VPS13C: variants seen among roughly 807,000 people sequenced by gnomAD.
VPS13C encodes vacuolar protein sorting 13 homolog C, also known as intermembrane lipid transfer protein VPS13C.
Under a neutral mutation model 456.8 loss-of-function variants are expected in VPS13C, and 358 were observed. The ratio of observed to expected loss-of-function variants is 0.78; its 90% CI spans 0.72 to 0.86. The LOEUF is 0.86. Among genes scored for constraint, VPS13C ranks in the 40% least tolerant of loss-of-function variants. The probability of loss-of-function intolerance (pLI) is 0.00; values close to 1 mark genes in which losing one functional copy is unlikely to be tolerated. For synonymous variants in VPS13C, 1,578 were observed against 1,486.7 expected, an observed-to-expected ratio of 1.06 and a Z score of -1.41; for missense variants, 4,818 against 4,385.4, an observed-to-expected ratio of 1.10 and a Z score of -2.79.
chr15:61,982,033 T>C (rs1307376911), intron 21 of VPS13C, among the ~76,000 whole-genome samples: 1 of 152,220 alleles, frequency 6.6e-6, no homozygotes, highest in Non-Finnish European at 1.5e-5. Flanking sequence ...TAGCTAGTAC[T>C]TTATGTAGGG....
chr15:61,883,056 G>A (rs142628983), intron 68 of VPS13C, among the ~76,000 whole-genome samples: 4 of 150,852 alleles, frequency 2.7e-5, no homozygotes, highest in African/African-American at 7.3e-5. Context: ...TTTTTGAAAC[G>A]GCATCTTGCT....
At position 61,966,146 on chromosome 15, in the gene VPS13C, A is replaced by G. The variant is rs1315802188; in HGVS notation, c.2992-4T>C. On this transcript the variant is annotated splice_region_variant and splice_polypyrimidine_tract_variant and intron_variant, in intron 29 of 84. Transcript: ENST00000644861. Reference sequence around the variant, plus strand: ...AACTAGGTCCATTCTTATCAGCCTGAAAAAAGAAGTAAAAGTTCTAAAGAA... The same window carrying G: ...AACTAGGTCCATTCTTATCAGCCTGGAAAAAGAAGTAAAAGTTCTAAAGAA... 1 of 1,599,970 alleles carries G rather than the reference A, an allele frequency of 6.3e-7. No homozygotes were observed. Among genetic ancestry groups the G allele is most frequent in the South Asian group, 1.1e-5 (1 of 88,150 alleles).
At chr15:62,053,814 T>C (rs1436186226) in intron 1 of VPS13C, among the ~76,000 whole-genome samples, 1 of 152,164 alleles carries the variant, frequency 6.6e-6, no homozygotes, top group Non-Finnish European at 1.5e-5. Context: ...CAAGGGGAAG[T>C]GTCAAGAGTG....
intron 6 of VPS13C, 109 bp from the exon 7 acceptor site, chr15:62,023,954 C>T: frequency 1.2e-6 from 1 of 806,104 alleles, no homozygotes; most frequent in Admixed American, 2.5e-5. Context: ...TTTGGCACAA[C>T]TCACCTTACC....
chr15:61,913,297 A>C lies in VPS13C; in HGVS notation c.8550+14T>G, dbSNP rs2043357404. On this transcript the variant is annotated intron_variant, in intron 62 of 84. Coordinates refer to ENST00000644861, the MANE Select transcript of VPS13C (RefSeq NM_020821.3). ...TGAACGGAATCAAAGGTAAATAAGG[A>C]AGCAGAATCTTACCAGGTACTCCAT... The C allele has an allele frequency of 6.2e-7, 1 of 1,609,636 alleles. No individual in the cohort carries two copies. The highest frequency in any genetic ancestry group is 1.3e-5 in the African/African-American group (1 of 74,836).
chr15:61,879,400 G>A (rs968680773), intron 73 of VPS13C: 2 of 152,038 alleles, frequency 1.3e-5, no homozygotes, highest in South Asian at 2.1e-4. Flanking sequence ...TTGGGGCAAC[G>A]CCAGGAAAGC....
intron 16 of VPS13C, among the ~76,000 whole-genome samples, chr15:61,995,559 C>A (rs137957154): frequency 1.7e-3 from 252 of 152,292 alleles, no homozygotes; most frequent in African/African-American, 5.6e-3. Flanking sequence ...TTTCTCTCTT[C>A]TTTTGAAGAA....
intron 28 of VPS13C, among the ~76,000 whole-genome samples, chr15:61,968,227 C>T (rs1382482536): frequency 6.6e-6 from 1 of 151,364 alleles, no homozygotes; most frequent in African/African-American, 2.4e-5. Flanking sequence ...TGTTCTGTAA[C>T]CAAGGATTCC....
At chr15:62,045,962 G>C (rs1286226110) in intron 1 of VPS13C, among the ~76,000 whole-genome samples, 2 of 152,166 alleles carry the variant, frequency 1.3e-5, no homozygotes, top group Non-Finnish European at 2.9e-5. Context: ...ATGCACAAGT[G>C]TGTGTGCATT....
chr15:61,854,461 G>A lies in VPS13C; in HGVS notation c.11258C>T (p.Ser3753Phe). ...TGGAGCCCCTGAGGTCTGTGATTAA[G>A]ATGGCAATTGGGGTCTGAGAAGTCT... ...SVRLLRPQLP[S>F] The change falls in exon 85 of 85, where the codon TCT becomes TTT. Residue 3753 changes from serine (S) to phenylalanine (F), a missense_variant. Around this residue, in one of 3 missense-constraint regions of VPS13C, gnomAD observed 261 missense variants for 234.1 expected, o/e 1.11. Transcript: ENST00000644861. The A allele has an allele frequency of 6.2e-7, 1 of 1,614,078 alleles. No homozygotes were observed. The highest frequency in any genetic ancestry group is 8.5e-7 in the Non-Finnish European group (1 of 1,179,924).
chr15:62,027,786 A>C (rs2047685602), intron 6 of VPS13C, among the ~76,000 whole-genome samples: 1 of 152,072 alleles, frequency 6.6e-6, no homozygotes, highest in South Asian at 2.1e-4. Flanking sequence ...TCATATCATA[A>C]ATCCTAATAT....
At position 61,907,374 on chromosome 15, in the gene VPS13C, T is replaced by A; in HGVS notation, c.8995A>T (p.Met2999Leu). The A allele has an allele frequency of 6.2e-7, 1 of 1,613,904 alleles. No homozygotes were observed. The highest frequency in any genetic ancestry group is 1.1e-5 in the South Asian group (1 of 91,070). ...TYKQSGSPEE[M>L]VLLPRQARLF... is the part of the protein sequence containing the mutation. The stretch of plus-strand genomic sequence containing the variant: ...CGAGCCTGTCTTGGCAGCAAGACCA[T>A]TTCTTCTGGTGACCCACTAAAACAC... Residue 2999 changes from methionine (M) to leucine (L), a missense_variant, in exon 66 of 85, where the codon ATG (methionine) becomes TTG (leucine). Met to Leu is a conservative substitution (Grantham distance 15). Transcript: ENST00000644861.
At chr15:62,037,217 T>TATATAATATATTATATATATATATATA (rs1567136116) in intron 3 of VPS13C, among the ~76,000 whole-genome samples, 1 of 96,928 alleles carries the variant, frequency 1.0e-5, no homozygotes, top group Non-Finnish European at 1.9e-5. Flanking sequence ...ATAAATATAT[T>TATATAATATATTATATATATATATATA]ATATAATATA....
chr15:62,046,826 T>C (rs536463826), intron 1 of VPS13C, among the ~76,000 whole-genome samples: 116 of 152,330 alleles, frequency 7.6e-4, no homozygotes, highest in Non-Finnish European at 1.5e-3. Context: ...TGTGAAATGT[T>C]GAAAACTACC....
intron 71 of VPS13C, 49 bp downstream of exon 71, chr15:61,881,514 G>C: frequency 6.6e-7 from 1 of 1,504,800 alleles, no homozygotes; most frequent in Non-Finnish European, 9.0e-7. Flanking sequence ...TTTCAAAGTA[G>C]ATTCTCATTT....
At chr15:61,941,616 T>C (rs2044427488) in intron 46 of VPS13C, 147 bp downstream of exon 46, 1 of 810,660 alleles carries the variant, frequency 1.2e-6, no homozygotes, top group Non-Finnish European at 1.9e-6. Flanking sequence ...GTTTAACCAC[T>C]GACCAAGAAG....
intron 16 of VPS13C, among the ~76,000 whole-genome samples, chr15:61,992,014 T>C (rs192492198): frequency 2.0e-5 from 3 of 152,222 alleles, no homozygotes; most frequent in African/African-American, 7.2e-5. Flanking sequence ...ACTGATAGCA[T>C]TTTGATAAGG....
intron 1 of VPS13C, among the ~76,000 whole-genome samples, chr15:62,056,220 A>G (rs960136563): frequency 3.3e-5 from 5 of 152,282 alleles, no homozygotes; most frequent in African/African-American, 4.8e-5. Context: ...ATAATAAAAT[A>G]TAAAACAAGA....
At chr15:61,997,151 G>A (rs2046416235) in intron 16 of VPS13C, among the ~76,000 whole-genome samples, 1 of 152,034 alleles carries the variant, frequency 6.6e-6, no homozygotes, top group South Asian at 2.1e-4. Context: ...GTTCAATTCT[G>A]TCCTATCTTA....
Sources: gnomAD v4.1 joint callset for allele counts (sites outside exome capture counted in the v4.1 genomes callset) on GRCh38, gnomAD v4.1.1 for gene constraint, gnomAD v4.1.1 regional missense constraint, MANE v1.5 for transcripts, NCBI Gene and HGNC (gene_info 2026-07-23, HGNC 2026-07-21) for gene names.